Variants in C7 observed in about 807,000 individuals in gnomAD.
C7 encodes complement C7.
In C7, 83 loss-of-function variants were observed where a neutral mutation model predicts 104.8. The ratio of observed to expected loss-of-function variants is 0.79; its 90% CI spans 0.66 to 0.95. The LOEUF (loss-of-function observed/expected upper bound fraction) is 0.95. Among genes scored for constraint, C7 ranks in the 40% least tolerant of loss-of-function variants. C7 has a pLI of 0.00. For synonymous variants in C7, 415 were observed against 360.6 expected, an observed-to-expected ratio of 1.15 and a Z score of -1.71; for missense variants, 1,070 against 1,011.2, an observed-to-expected ratio of 1.06 and a Z score of -0.79.
intron 9 of C7, among the ~76,000 whole-genome samples, chr5:40,953,120 A>G (rs1381729051): frequency 6.6e-6 from 1 of 152,136 alleles, no homozygotes; most frequent in African/African-American, 2.4e-5. Flanking sequence ...GTGTTACTGT[A>G]TATATTGAAA....
intron 6 of C7, among the ~76,000 whole-genome samples, 186 bp from the exon 7 acceptor site, chr5:40,945,012 A>C (rs1358612453): frequency 6.6e-6 from 1 of 152,218 alleles, no homozygotes; most frequent in Non-Finnish European, 1.5e-5. Flanking sequence ...TGTCCTGCTT[A>C]ATAAAAAAAT....
chr5:40,921,814 A>G (rs1197195894), intron 1 of C7, among the ~76,000 whole-genome samples: 2 of 152,044 alleles, frequency 1.3e-5, no homozygotes, highest in Admixed American at 6.6e-5. Flanking sequence ...AGGTGGGTGG[A>G]TCACGAGGTT....
chr5:40,981,299 C>T, intron 17 of C7, 93 bp from the exon 18 acceptor site: 1 of 1,224,472 alleles, frequency 8.2e-7, no homozygotes, highest in Non-Finnish European at 1.2e-6. Context: ...GCTTCTACAG[C>T]TCTGATCACC....
intron 8 of C7, among the ~76,000 whole-genome samples, chr5:40,948,487 C>T (rs1189128806): frequency 6.6e-6 from 1 of 152,142 alleles, no homozygotes; most frequent in African/African-American, 2.4e-5. Flanking sequence ...GTATTTAAGG[C>T]TGGGTCTAAC....
At chr5:40,948,261 C>A (rs538418733) in intron 8 of C7, among the ~76,000 whole-genome samples, 15 of 149,232 alleles carry the variant, frequency 1.0e-4, no homozygotes, top group Admixed American at 2.7e-4. Flanking sequence ...TTAAAAAAAT[C>A]CTCTCTGAAT....
chr5:40,975,385 A>G (rs1740796904), intron 15 of C7, among the ~76,000 whole-genome samples: 1 of 137,454 alleles, frequency 7.3e-6, no homozygotes, highest in African/African-American at 2.7e-5. Flanking sequence ...TTTTTTTGAG[A>G]CAAGGTCTCG....
At chr5:40,914,712 G>T (rs962217283) in intron 1 of C7, among the ~76,000 whole-genome samples, 1 of 152,166 alleles carries the variant, frequency 6.6e-6, no homozygotes. Context: ...ATTACAAAGA[G>T]AGTATTCCCA....
At position 40,972,528 on chromosome 5, in the gene C7, G is replaced by A. The variant is rs200737768; in HGVS notation, c.2008G>A (p.Ala670Thr). The A allele has an allele frequency of 8.8e-4, 1,423 of 1,613,630 alleles. 1 individual carries two copies. Among genetic ancestry groups the A allele is most frequent in the Admixed American group, 2.4e-3 (144 of 60,002 alleles). The part of the protein sequence containing the change: ...SGGMSLEGPS[A>T]FLCGSSLKWS... The stretch of plus-strand genomic sequence containing the variant: ...TGGCATGTCCTTAGAAGGTCCTTCA[G>A]CATTTCTCTGTGGCTCCAGCCTTAA... The change falls in exon 15 of 18, where the codon GCA becomes ACA. Residue 670 changes from alanine to threonine, a missense_variant. Ala to Thr is a moderately conservative substitution (Grantham distance 58, BLOSUM62 0). Transcript: ENST00000313164.
chr5:40,965,649 T>TATATA (rs1554043911), intron 14 of C7, among the ~76,000 whole-genome samples: 1 of 26,636 alleles, frequency 3.8e-5, no homozygotes, highest in African/African-American at 2.5e-4. Context: ...TATATATATA[T>TATATA]TTTTTTTTTG....
intron 13 of C7, among the ~76,000 whole-genome samples, chr5:40,963,652 C>G (rs1417859914): frequency 1.3e-5 from 2 of 152,144 alleles, no homozygotes; most frequent in African/African-American, 4.8e-5. Flanking sequence ...GAGTTTTTCA[C>G]CATCCCCTTG....
chr5:40,925,716 A>C (rs1375473446), intron 1 of C7, among the ~76,000 whole-genome samples: 1 of 152,206 alleles, frequency 6.6e-6, no homozygotes, highest in African/African-American at 2.4e-5. Flanking sequence ...GCATGGCATC[A>C]ACATTTGCTC....
intron 6 of C7, among the ~76,000 whole-genome samples, chr5:40,941,476 G>T (rs966896936): frequency 2.6e-5 from 4 of 152,054 alleles, no homozygotes; most frequent in African/African-American, 9.7e-5. Flanking sequence ...AAATAAAAAA[G>T]ACTTTTTTCT....
chr5:40,958,378 A>G lies in C7; in HGVS notation c.1489+117A>G, dbSNP rs1740346765. 1.2e-5 allele frequency: 7 copies of G among 596,482 alleles called. No individual in the cohort carries two copies. The South Asian group carries it at 2.9e-4, about 24-fold the overall frequency. The allele number at this position is 596,482 out of a possible 1,614,324, so 36.9% of individuals were successfully genotyped here. A position where few individuals can be genotyped will look rare whatever the true frequency, so the allele number is the denominator to read the frequency against. ...AAGAGATGAAGTCTCAAATGAATTT[A>G]GAATCCTCCTTCCCTTTCCTACTTC... is the stretch of plus-strand genomic sequence containing the variant. On this transcript the variant is annotated intron_variant, in intron 11 of 17. Transcript: ENST00000313164.
At chr5:40,945,777 T>A (rs1019346295) in intron 7 of C7, among the ~76,000 whole-genome samples, 1 of 150,850 alleles carries the variant, frequency 6.6e-6, no homozygotes, top group Non-Finnish European at 1.5e-5. Context: ...GGTGGAAGGA[T>A]CACTTGAGCC....
At chr5:40,925,642 C>T (rs1177872885) in intron 1 of C7, among the ~76,000 whole-genome samples, 1 of 152,126 alleles carries the variant, frequency 6.6e-6, no homozygotes, top group Non-Finnish European at 1.5e-5. Flanking sequence ...AGAGAAATAT[C>T]TGAGGCTGGG....
intron 10 of C7, 79 bp from the exon 11 acceptor site, chr5:40,957,954 G>T: frequency 1.1e-6 from 1 of 901,224 alleles, no homozygotes; most frequent in South Asian, 2.3e-5. Flanking sequence ...GTTTTAATGA[G>T]AGTCGTGCCT....
rs554525157 is a variant in C7 at position 40,975,056 on chromosome 5, C to T, written c.2075-1694C>T. Reference sequence around the variant, plus strand: ...AGATGTCCCCTGGGGGACAAAACTGCCCCTGGTTGAGAAGCACTGATGTAG... The same window carrying T: ...AGATGTCCCCTGGGGGACAAAACTGTCCCTGGTTGAGAAGCACTGATGTAG... On this transcript the variant is annotated intron_variant, in intron 15 of 17. Coordinates refer to ENST00000313164, the MANE Select transcript of C7 (RefSeq NM_000587.4). Among the ~76,000 whole-genome samples, 8 of 152,268 alleles carry T rather than the reference C, an allele frequency of 5.3e-5. No homozygotes were observed. In the South Asian group the frequency reaches 1.7e-3, roughly 32 times the overall value.
chr5:40,948,698 C>T (rs1740101795), intron 8 of C7, among the ~76,000 whole-genome samples: 1 of 152,148 alleles, frequency 6.6e-6, no homozygotes, highest in African/African-American at 2.4e-5. Flanking sequence ...CTAGCCTTGG[C>T]TTACTAATGT....
rs113016913 is a variant in C7 at position 40,922,642 on chromosome 5, A to G, written c.7-5938A>G. Reference sequence around the variant, plus strand: ...CTTGAACCCAGGAGGAGGAGGTTGCAGTGAGCCAAGATCGCACTACTGCAC... The same window carrying G: ...CTTGAACCCAGGAGGAGGAGGTTGCGGTGAGCCAAGATCGCACTACTGCAC... On this transcript the variant is annotated intron_variant, in intron 1 of 17. Coordinates refer to ENST00000313164, the MANE Select transcript of C7 (RefSeq NM_000587.4). Among the ~76,000 whole-genome samples, 1,040 of 150,916 alleles carry G rather than the reference A, an allele frequency of 6.9e-3. 16 individuals carry two copies. The highest frequency in any genetic ancestry group is 0.024 in the African/African-American group (1,000 of 40,908).
Sources: allele counts gnomAD v4.1 joint callset (sites outside exome capture counted in the v4.1 genomes callset), GRCh38; gene constraint gnomAD v4.1.1; transcripts MANE v1.5; gene names NCBI Gene and HGNC (gene_info 2026-07-23, HGNC 2026-07-21).